CPNE8: variants seen among roughly 807,000 people sequenced by gnomAD.
CPNE8 encodes the protein copine 8.
Under a neutral mutation model 81.5 loss-of-function variants are expected in CPNE8, and 45 were observed. The ratio of observed to expected loss-of-function variants is 0.55; its 90% CI spans 0.44 to 0.71. The LOEUF is 0.71. Ranked by LOEUF, CPNE8 falls within the 30% of genes least tolerant of loss-of-function variation. CPNE8 has a pLI of 0.00. For synonymous variants in CPNE8, 252 were observed against 226.3 expected (o/e 1.11, Z -1.02); for missense variants, 594 against 672.1 (o/e 0.88, Z 1.28).
chr12:38,771,110 C>A (rs1322847327), intron 7 of CPNE8, among the ~76,000 whole-genome samples: 2 of 151,832 alleles, frequency 1.3e-5, no homozygotes, highest in Non-Finnish European at 2.9e-5. Context: ...TTCAATCAAT[C>A]AATAAATAAA....
At chr12:38,721,059 G>C (rs573309152) in intron 13 of CPNE8, 2 of 152,694 alleles carry the variant, frequency 1.3e-5, no homozygotes, top group African/African-American at 2.4e-5. Context: ...GTTGGCTTCC[G>C]CTCTAATCTT....
chr12:38,741,219 C>G (rs867353137), intron 10 of CPNE8, among the ~76,000 whole-genome samples: 506 of 152,192 alleles, frequency 3.3e-3, no homozygotes, highest in Non-Finnish European at 5.9e-3. Flanking sequence ...AGCCCGCATT[C>G]CCAAGTCAAT....
At chr12:38,838,808 A>G (rs1250075909) in intron 5 of CPNE8, among the ~76,000 whole-genome samples, 2 of 152,082 alleles carry the variant, frequency 1.3e-5, no homozygotes, top group Admixed American at 6.6e-5. Context: ...ACCTCCTTCA[A>G]TGAAGGGGGC....
intron 13 of CPNE8, among the ~76,000 whole-genome samples, chr12:38,705,459 T>G (rs923202834): frequency 6.6e-6 from 1 of 152,188 alleles, no homozygotes; most frequent in Non-Finnish European, 1.5e-5. Flanking sequence ...AGATTCCCTT[T>G]ATATTAATAG....
chr12:38,689,318 C>T (rs543023588), intron 15 of CPNE8, among the ~76,000 whole-genome samples: 1 of 152,290 alleles, frequency 6.6e-6, no homozygotes, highest in Admixed American at 6.5e-5. Flanking sequence ...TTTTTCCTCC[C>T]GTTTAGCTCC....
intron 3 of CPNE8, among the ~76,000 whole-genome samples, chr12:38,859,648 T>A (rs770766665): frequency 1.8e-4 from 28 of 152,200 alleles, no homozygotes; most frequent in Non-Finnish European, 3.7e-4. Flanking sequence ...AAGCTCCAGG[T>A]ATCACACTTC....
intron 1 of CPNE8, among the ~76,000 whole-genome samples, chr12:38,895,050 T>A (rs1301442229): frequency 1.3e-5 from 2 of 152,114 alleles, no homozygotes; most frequent in Non-Finnish European, 2.9e-5. Context: ...CTCTGACATT[T>A]GAGATTGTTC....
intron 13 of CPNE8, among the ~76,000 whole-genome samples, chr12:38,709,863 A>C (rs2136706636): frequency 6.6e-6 from 1 of 152,232 alleles, no homozygotes; most frequent in Non-Finnish European, 1.5e-5. Context: ...ACTTCCTCAA[A>C]CAAAATTCTA....
intron 19 of CPNE8, among the ~76,000 whole-genome samples, chr12:38,664,362 T>C (rs1311238632): frequency 6.6e-6 from 1 of 152,098 alleles, no homozygotes; most frequent in Non-Finnish European, 1.5e-5. Context: ...TAATATGTAT[T>C]ATATATGAAA....
chr12:38,842,404 A>G (rs937978980), intron 4 of CPNE8, among the ~76,000 whole-genome samples: 1 of 152,084 alleles, frequency 6.6e-6, no homozygotes, highest in African/African-American at 2.4e-5. Flanking sequence ...GTAAAAGGAA[A>G]ATGTTTTCAT....
At chr12:38,798,810 C>T (rs1942574844) in intron 6 of CPNE8, among the ~76,000 whole-genome samples, 1 of 152,122 alleles carries the variant, frequency 6.6e-6, no homozygotes, top group African/African-American at 2.4e-5. Flanking sequence ...ACCTATCTCA[C>T]ATGCAGAGAC....
intron 6 of CPNE8, among the ~76,000 whole-genome samples, chr12:38,791,472 A>C (rs886404136): frequency 6.6e-5 from 10 of 151,672 alleles, no homozygotes; most frequent in African/African-American, 2.4e-4. Flanking sequence ...GGTTGAAAAA[A>C]AGGAATAAAA....
intron 10 of CPNE8, among the ~76,000 whole-genome samples, chr12:38,739,196 G>A (rs1941030875): frequency 1.3e-5 from 2 of 152,132 alleles, no homozygotes. Context: ...TATGGTTTTT[G>A]AAGAGTGTTA....
At chr12:38,872,908 G>T in intron 3 of CPNE8, 96 bp downstream of exon 3, 2 of 729,000 alleles carry the variant, frequency 2.7e-6, no homozygotes, top group South Asian at 1.7e-5. Flanking sequence ...GGTTCAAAAG[G>T]ACTTACAATG....
Position 38,655,973 on chromosome 12 carries a change from G to GAAA in CPNE8, c.1507-1906_1507-1904dup, listed in dbSNP as rs5797586. On this transcript the variant is annotated intron_variant, in intron 19 of 19. Transcript: ENST00000331366. ...AAGAAAGGCAGCTTGCTAAGGATGT[G>GAAA]AAAAAAAAAAAACTAACAATAAATG... 5.5e-5 allele frequency among the ~76,000 whole-genome samples: 8 copies of GAAA among 145,744 alleles called. No homozygotes were observed. In the South Asian group the frequency reaches 1.5e-3, roughly 27 times the overall value.
chr12:38,847,978 G>C (rs1943584293), intron 4 of CPNE8, among the ~76,000 whole-genome samples: 1 of 151,736 alleles, frequency 6.6e-6, no homozygotes, highest in Admixed American at 6.6e-5. Flanking sequence ...GTTCACTTCT[G>C]TGGAAAAAAA....
In CPNE8 at chr12:38,852,866, GA is replaced by G. The variant is rs202203006; in HGVS notation, c.187-4205del. On this transcript the variant is annotated intron_variant, in intron 3 of 19. Coordinates refer to ENST00000331366, the MANE Select transcript of CPNE8 (RefSeq NM_153634.3). ...ATATATATGCATATATATATATATG[GA>G]AAAAAATAGAATACAGTGTACCAGA... Among the ~76,000 whole-genome samples, 33 of 151,662 alleles carry G rather than the reference GA, an allele frequency of 2.2e-4. 1 individual carries two copies. The East Asian group carries it at 6.0e-3, about 28-fold the overall frequency.
chr12:38,791,920 A>G (rs907783673), intron 6 of CPNE8, among the ~76,000 whole-genome samples: 1 of 151,600 alleles, frequency 6.6e-6, no homozygotes, highest in Non-Finnish European at 1.5e-5. Context: ...TTTAAAATCA[A>G]CAGCAGAGGA....
intron 8 of CPNE8, among the ~76,000 whole-genome samples, chr12:38,764,573 C>T (rs1435272667): frequency 2.1e-5 from 3 of 141,976 alleles, no homozygotes; most frequent in Non-Finnish European, 3.0e-5. Flanking sequence ...GCCGAGATCC[C>T]GCCACTGCAC....
Sources: gnomAD v4.1 joint callset for allele counts (sites outside exome capture counted in the v4.1 genomes callset) on GRCh38, gnomAD v4.1.1 for gene constraint, MANE v1.5 for transcripts, NCBI Gene and HGNC (gene_info 2026-07-23, HGNC 2026-07-21) for gene names.